Variants in PTPRT observed in about 807,000 individuals in gnomAD.
The protein encoded by PTPRT is receptor-type tyrosine-protein phosphatase T.
PTPRT carries 56 observed loss-of-function variants against 176.8 expected under a neutral mutation model. That is an observed-to-expected ratio of 0.32 (90% confidence interval 0.26 to 0.40). The LOEUF (loss-of-function observed/expected upper bound fraction) is 0.40. PTPRT is among the 10% of genes least tolerant of loss of function. The probability of loss-of-function intolerance (pLI) is 1.00; values close to 1 mark genes in which losing one functional copy is unlikely to be tolerated. For missense variants in PTPRT, 1,540 were observed against 1,908.2 expected (o/e 0.81, Z 3.60); for synonymous variants, 783 against 739.0 (o/e 1.06, Z -0.96).
intron 12 of PTPRT, among the ~76,000 whole-genome samples, chr20:42,292,526 T>C (rs563810186): frequency 3.5e-4 from 54 of 152,284 alleles, no homozygotes; most frequent in African/African-American, 1.0e-3. Context: ...GTCCATTTTT[T>C]TCTCACAAGA....
chr20:43,016,901 C>T (rs1985400579), intron 1 of PTPRT, among the ~76,000 whole-genome samples: 1 of 152,142 alleles, frequency 6.6e-6, no homozygotes, highest in Non-Finnish European at 1.5e-5. Context: ...CATTCTCTTT[C>T]TCCTGATTTC....
intron 1 of PTPRT, chr20:43,063,729 G>C (rs1568761989): frequency 6.6e-6 from 1 of 152,180 alleles, no homozygotes; most frequent in Non-Finnish European, 1.5e-5. Flanking sequence ...AAAGACTTAA[G>C]GAAGCTCCAA....
chr20:42,707,710 G>C (rs536350443), intron 6 of PTPRT, among the ~76,000 whole-genome samples: 26 of 152,280 alleles, frequency 1.7e-4, no homozygotes, highest in Admixed American at 1.3e-3. Flanking sequence ...CTCAGCTACT[G>C]GGGGAGGCTG....
At chr20:42,310,100 AC>A (rs1453581877) in intron 12 of PTPRT, among the ~76,000 whole-genome samples, 1 of 152,120 alleles carries the variant, frequency 6.6e-6, no homozygotes, top group Non-Finnish European at 1.5e-5. Flanking sequence ...CTGAATTAAG[AC>A]CCCAAAGTGA....
intron 9 of PTPRT, among the ~76,000 whole-genome samples, chr20:42,386,481 G>A: frequency 6.6e-6 from 1 of 152,148 alleles, no homozygotes; most frequent in Non-Finnish European, 1.5e-5. Flanking sequence ...CAGCCACTGG[G>A]GATACCTGAG....
chr20:42,707,499 TGA>T (rs1417983662), intron 6 of PTPRT, among the ~76,000 whole-genome samples: 1 of 152,198 alleles, frequency 6.6e-6, no homozygotes, highest in African/African-American at 2.4e-5. Context: ...CATTTTTATT[TGA>T]GAGACAGGCT....
intron 1 of PTPRT, among the ~76,000 whole-genome samples, chr20:43,003,314 G>C (rs1412254660): frequency 6.6e-6 from 1 of 152,164 alleles, no homozygotes; most frequent in African/African-American, 2.4e-5. Context: ...AGGCTCTCAA[G>C]TAGCTGAGAA....
chr20:43,079,223 C>T (rs1027941427), intron 1 of PTPRT, among the ~76,000 whole-genome samples: 3 of 132,720 alleles, frequency 2.3e-5, no homozygotes, highest in Non-Finnish European at 4.7e-5. Flanking sequence ...TCTCTCCCCC[C>T]TGTCCTCTAC....
At chr20:42,565,166 A>G (rs1182469710) in intron 7 of PTPRT, among the ~76,000 whole-genome samples, 2 of 152,052 alleles carry the variant, frequency 1.3e-5, no homozygotes, top group Non-Finnish European at 2.9e-5. Flanking sequence ...CACATCTCAA[A>G]AGACACAGAC....
At chr20:42,088,921 C>T (rs960843983) in intron 27 of PTPRT, among the ~76,000 whole-genome samples, 11 of 152,076 alleles carry the variant, frequency 7.2e-5, no homozygotes, top group Admixed American at 5.2e-4. Context: ...TTGTTGAATC[C>T]ATCAGTGCTC....
chr20:42,884,002 A>G (rs1313503872), intron 2 of PTPRT, among the ~76,000 whole-genome samples: 1 of 134,160 alleles, frequency 7.5e-6, no homozygotes, highest in African/African-American at 2.7e-5. Context: ...TACACACTAT[A>G]AGATCCAGAT....
intron 8 of PTPRT, among the ~76,000 whole-genome samples, chr20:42,462,752 A>C (rs1359758779): frequency 1.3e-5 from 2 of 152,216 alleles, no homozygotes; most frequent in Non-Finnish European, 2.9e-5. Context: ...CCTGAAATAA[A>C]AAGCTCTCTA....
At chr20:43,175,088 G>A (rs2015093673) in intron 1 of PTPRT, among the ~76,000 whole-genome samples, 1 of 152,238 alleles carries the variant, frequency 6.6e-6, no homozygotes, top group South Asian at 2.1e-4. Context: ...TGACGCCTCA[G>A]GCAAACCTAA....
intron 1 of PTPRT, among the ~76,000 whole-genome samples, chr20:42,999,254 A>C (rs1984393957): frequency 6.6e-6 from 1 of 152,232 alleles, no homozygotes; most frequent in Admixed American, 6.5e-5. Context: ...ACATACACAA[A>C]GAGACAAAAA....
At chr20:42,865,686 G>A (rs2078734418) in intron 2 of PTPRT, among the ~76,000 whole-genome samples, 1 of 152,196 alleles carries the variant, frequency 6.6e-6, no homozygotes, top group African/African-American at 2.4e-5. Context: ...GAACATGGCA[G>A]TGATGACAAG....
chr20:42,147,733 C>T (rs1988935071), intron 17 of PTPRT, among the ~76,000 whole-genome samples: 1 of 152,092 alleles, frequency 6.6e-6, no homozygotes, highest in African/African-American at 2.4e-5. Context: ...CCACACAGGC[C>T]CTGTCATGGT....
rs542218496 is a variant in PTPRT, at chr20:42,889,564, A to G, written c.89-3632T>C. 8.9e-4 allele frequency among the ~76,000 whole-genome samples: 136 copies of G among 152,340 alleles called. 1 individual carries two copies. The highest frequency in any genetic ancestry group is 3.0e-3 in the African/African-American group (125 of 41,588). ...CCGTAAGGTCACTCTGGGGACCTTA[A>G]TGTCCCTCCTACAGAAGAGTTTCTA... On this transcript the variant is annotated intron_variant, in intron 1 of 30. Coordinates refer to ENST00000373187, the MANE Select transcript of PTPRT (RefSeq NM_007050.6).
chr20:42,519,029 G>T (rs749320280), intron 7 of PTPRT, among the ~76,000 whole-genome samples: 7 of 151,922 alleles, frequency 4.6e-5, no homozygotes, highest in Non-Finnish European at 8.8e-5. Flanking sequence ...ATGGTGCAAT[G>T]TCCTGATCGA....
chr20:42,093,715 C>T (rs1428287577), intron 27 of PTPRT, among the ~76,000 whole-genome samples: 3 of 152,210 alleles, frequency 2.0e-5, no homozygotes, highest in Non-Finnish European at 4.4e-5. Flanking sequence ...GCAGACCTGT[C>T]CATGTTGCCA....
Sources: allele counts gnomAD v4.1 joint callset (sites outside exome capture counted in the v4.1 genomes callset), GRCh38; gene constraint gnomAD v4.1.1; transcripts MANE v1.5; gene names NCBI Gene and HGNC (gene_info 2026-07-23, HGNC 2026-07-21).